The following IFT88 variants were observed in gnomAD, a reference collection of about 807,000 sequenced individuals.
IFT88 encodes intraflagellar transport 88, also known as intraflagellar transport protein 88 homolog.
IFT88 carries 74 observed loss-of-function variants against 119.5 expected under a neutral mutation model. That is an observed-to-expected ratio of 0.62 (90% CI 0.51 to 0.75). The LOEUF (loss-of-function observed/expected upper bound fraction) is 0.75, where lower values mean the gene tolerates loss of function less well. Among genes scored for constraint, IFT88 ranks in the 30% least tolerant of loss-of-function variants. The pLI is 0.00. For missense variants in IFT88, 961 were observed against 977.7 expected (o/e 0.98, Z 0.23); for synonymous variants, 279 against 316.7 (o/e 0.88, Z 1.26).
At chr13:20,575,325 A>G (rs1271041851) in intron 2 of IFT88, among the ~76,000 whole-genome samples, 14 of 152,128 alleles carry the variant, frequency 9.2e-5, no homozygotes, top group Admixed American at 6.6e-5. Flanking sequence ...TCCATTGTAT[A>G]TATGTACATT....
At chr13:20,582,907 C>T in intron 2 of IFT88, 50 bp from the exon 3 acceptor site, 1 of 1,408,486 alleles carries the variant, frequency 7.1e-7, no homozygotes, top group Admixed American at 1.9e-5. Flanking sequence ...CTTATTTTTT[C>T]CCCCAATTCT....
At chr13:20,681,528 T>C (rs567343091) in intron 24 of IFT88, among the ~76,000 whole-genome samples, 2 of 152,342 alleles carry the variant, frequency 1.3e-5, no homozygotes, top group African/African-American at 4.8e-5. Context: ...TTAACATGGG[T>C]TAAATTGTGA....
chr13:20,617,883 TC>T (rs1183970535), intron 14 of IFT88, among the ~76,000 whole-genome samples: 4 of 150,486 alleles, frequency 2.7e-5, no homozygotes, highest in Admixed American at 1.3e-4. Flanking sequence ...AATCTCCACT[TC>T]CTGGGTTCAA....
At chr13:20,591,491 T>G in intron 5 of IFT88, 127 bp from the exon 6 acceptor site, 1 of 562,852 alleles carries the variant, frequency 1.8e-6, no homozygotes, top group Non-Finnish European at 3.1e-6. Flanking sequence ...AAGTAAGGAG[T>G]AAACGTATAG....
chr13:20,641,506 T>A (rs1470685685), intron 18 of IFT88, 108 bp downstream of exon 18: 1 of 623,798 alleles, frequency 1.6e-6, no homozygotes, highest in African/African-American at 1.8e-5. Context: ...AGGATAATAT[T>A]TGAAGTAAGT....
chr13:20,656,188 TTTCAAA>T (rs2140619930), intron 21 of IFT88, among the ~76,000 whole-genome samples, 171 bp from the exon 22 acceptor site: 2 of 152,122 alleles, frequency 1.3e-5, no homozygotes, highest in East Asian at 3.9e-4. Context: ...TTCAGCCTTA[TTTCAAA>T]TTTATTTTAT....
intron 23 of IFT88, among the ~76,000 whole-genome samples, chr13:20,669,992 T>C (rs1009809230): frequency 1.3e-5 from 2 of 152,202 alleles, no homozygotes; most frequent in African/African-American, 4.8e-5. Context: ...CTTACAGAAA[T>C]GAGTTAATTA....
chr13:20,640,505 G>A (rs1041353527), intron 17 of IFT88, among the ~76,000 whole-genome samples: 6 of 151,848 alleles, frequency 4.0e-5, no homozygotes, highest in African/African-American at 1.5e-4. Flanking sequence ...CCCAGGAGGC[G>A]GAGCTTGCAG....
intron 1 of IFT88, among the ~76,000 whole-genome samples, chr13:20,570,079 T>C (rs1424282655): frequency 6.6e-6 from 1 of 151,376 alleles, no homozygotes; most frequent in African/African-American, 2.4e-5. Flanking sequence ...AACAGACATT[T>C]CTCCAAAGAG....
chr13:20,686,450 C>A (rs1474091754), intron 24 of IFT88, among the ~76,000 whole-genome samples: 1 of 152,216 alleles, frequency 6.6e-6, no homozygotes. Context: ...AAGGCAGTGG[C>A]TGCATCTCCT....
At chr13:20,652,251 GAATT>G (rs1405524971) in intron 20 of IFT88, among the ~76,000 whole-genome samples, 3 of 152,148 alleles carry the variant, frequency 2.0e-5, no homozygotes, top group African/African-American at 7.2e-5. Context: ...TAATTTTAAA[GAATT>G]AATACACTAA....
intron 13 of IFT88, among the ~76,000 whole-genome samples, chr13:20,613,128 A>AAACTTT (rs2044896312): frequency 6.6e-6 from 1 of 152,196 alleles, no homozygotes; most frequent in South Asian, 2.1e-4. Flanking sequence ...ACTTCAGAGG[A>AAACTTT]CGCTATCCAG....
chr13:20,652,013 T>C (rs1208411058), intron 20 of IFT88, among the ~76,000 whole-genome samples: 1 of 152,140 alleles, frequency 6.6e-6, no homozygotes, highest in African/African-American at 2.4e-5. Context: ...GTGTCTAAAA[T>C]GGGCAAATTT....
rs772356318 is a variant in IFT88 at position 20,638,433 on chromosome 13, A to G, written c.1488A>G (p.Ala496=). The change falls in exon 17 of 26, where the codon GCA becomes GCG. Residue 496 remains alanine, a synonymous_variant. Coordinates refer to ENST00000351808, the MANE Select transcript of IFT88 (RefSeq NM_006531.5). ...ALTNKGNTVF[A]NGDYEKAAEF... is the part of the protein sequence containing the mutation. ...CTAATAAAGGGAATACAGTTTTTGC[A>G]AATGGTGATTATGAGAAGGCCGCTG... 2.3e-5 allele frequency: 35 copies of G among 1,531,818 alleles called. 1 individual carries two copies. The highest frequency in any genetic ancestry group is 2.5e-5 in the Non-Finnish European group (29 of 1,145,082). 94.9% of individuals were successfully genotyped at this position (1,531,818 alleles called of 1,614,324 possible).
At chr13:20,668,704 G>A (rs764167311) in intron 23 of IFT88, among the ~76,000 whole-genome samples, 37 of 152,288 alleles carry the variant, frequency 2.4e-4, no homozygotes, top group Non-Finnish European at 4.9e-4. Context: ...AGCCAGTCCC[G>A]ACCAGGGGAC....
In IFT88 at chr13:20,591,692, C is replaced by T; in HGVS notation, c.328+11C>T. The T allele has an allele frequency of 6.4e-7, 1 of 1,569,656 alleles. No individual in the cohort carries two copies. Among genetic ancestry groups the T allele is most frequent in the East Asian group, 2.2e-5 (1 of 44,504 alleles). On this transcript the variant is annotated intron_variant, in intron 6 of 25. Transcript: ENST00000351808. Reference sequence around the variant, plus strand: ...AAGCAGCTTTGAGAGGTTTGTTACACTGTCTCTACTAATAATCTTTTTTGG... The same window carrying T: ...AAGCAGCTTTGAGAGGTTTGTTACATTGTCTCTACTAATAATCTTTTTTGG...
intron 20 of IFT88, among the ~76,000 whole-genome samples, chr13:20,646,251 C>T (rs1212525620): frequency 6.6e-6 from 1 of 151,850 alleles, no homozygotes. Flanking sequence ...AGTCACCTGA[C>T]TCATCTGATT....
Position 20,625,865 on chromosome 13 carries a change from A to G in IFT88, c.1299+16A>G, listed in dbSNP as rs1225815702. 1.4e-6 allele frequency: 2 copies of G among 1,417,084 alleles called. No homozygotes were observed. The highest frequency in any genetic ancestry group is 2.5e-5 in the South Asian group (2 of 79,906). The allele number at this position is 1,417,084 out of a possible 1,614,324, so 87.8% of individuals were successfully genotyped here. ...CTATAACCAAGTAAGTTTTAAAAAAAATTTTAGATGGAATTCCATATCTTA... is the reference window on the plus strand; with the variant it reads ...CTATAACCAAGTAAGTTTTAAAAAAGATTTTAGATGGAATTCCATATCTTA... On this transcript the variant is annotated intron_variant, in intron 15 of 25. Coordinates refer to ENST00000351808, the MANE Select transcript of IFT88 (RefSeq NM_006531.5).
At chr13:20,619,163 TTA>T in intron 14 of IFT88, among the ~76,000 whole-genome samples, 1 of 152,328 alleles carries the variant, frequency 6.6e-6, no homozygotes, top group South Asian at 2.1e-4. Context: ...CTGGAATTGT[TTA>T]TGTTTGTTAA....
Sources: gnomAD v4.1 joint callset for allele counts (sites outside exome capture counted in the v4.1 genomes callset) on GRCh38, gnomAD v4.1.1 for gene constraint, MANE v1.5 for transcripts, NCBI Gene and HGNC (gene_info 2026-07-23, HGNC 2026-07-21) for gene names.